The following DICER1 variants were observed in gnomAD, a reference collection of about 807,000 sequenced individuals.
The protein encoded by DICER1 is endoribonuclease Dicer.
In DICER1, 43 loss-of-function variants were observed where a neutral mutation model predicts 194.1. That is an observed-to-expected ratio of 0.22 (90% confidence interval 0.17 to 0.29). DICER1 has a LOEUF of 0.29. Ranked by LOEUF, DICER1 falls within the 10% of genes least tolerant of loss-of-function variation. The pLI is 1.00. For missense variants in DICER1, 1,608 were observed against 2,317.0 expected, an observed-to-expected ratio of 0.69 and a Z score of 6.28; for synonymous variants, 832 against 820.5, an observed-to-expected ratio of 1.01 and a Z score of -0.24.
chr14:95,086,311 G>A lies in DICER1; in HGVS notation c.*4187C>T, dbSNP rs888684231. 4 of 232,732 alleles carry A rather than the reference G, an allele frequency of 1.7e-5. No homozygotes were observed. Among genetic ancestry groups the A allele is most frequent in the Non-Finnish European group, 2.5e-5 (3 of 117,866 alleles). 14.4% of individuals were successfully genotyped at this position (232,732 alleles called of 1,614,324 possible). On this transcript the variant is annotated 3_prime_UTR_variant, in exon 27 of 27. Transcript: ENST00000343455. ...ACTAAAGGTAATTGTGATCCATAAG[G>A]TGCAGACTGCAAATTTCTGCAGCAT... is the stretch of plus-strand genomic sequence containing the variant.
At chr14:95,109,146 G>A (rs996265971) in intron 14 of DICER1, among the ~76,000 whole-genome samples, 1 of 152,136 alleles carries the variant, frequency 6.6e-6, no homozygotes, top group Non-Finnish European at 1.5e-5. Flanking sequence ...GAGTCAATAT[G>A]AGCCAATATC....
At chr14:95,097,744 C>T (rs990824175) in intron 22 of DICER1, among the ~76,000 whole-genome samples, 2 of 152,132 alleles carry the variant, frequency 1.3e-5, no homozygotes, top group African/African-American at 4.8e-5. Flanking sequence ...TTAAATACTA[C>T]AAATATTTTA....
chr14:95,131,960 T>C (rs1310531830), intron 3 of DICER1, among the ~76,000 whole-genome samples: 1 of 152,178 alleles, frequency 6.6e-6, no homozygotes, highest in Non-Finnish European at 1.5e-5. Context: ...TAACATGTAT[T>C]TAAAGCAGAT....
At chr14:95,102,034 T>A (rs1890923958) in intron 21 of DICER1, among the ~76,000 whole-genome samples, 3 of 152,260 alleles carry the variant, frequency 2.0e-5, no homozygotes, top group Middle Eastern at 6.8e-3. Flanking sequence ...ATGGGGAAAA[T>A]AAAAGTTTCT....
Position 95,112,194 on chromosome 14 carries a change from G to A in DICER1, c.2094C>T (p.Cys698=), listed in dbSNP as rs1402130617. 1 of 1,613,878 alleles carries A rather than the reference G, an allele frequency of 6.2e-7. No homozygotes were observed. The highest frequency in any genetic ancestry group is 8.5e-7 in the Non-Finnish European group (1 of 1,179,908). ...TACCAATTTTGTGCAGTTTCTCACA[G>A]CAAATGAGAGCTACAACTCTTTCAG... The part of the protein sequence containing the change: ...RLAERVVALI[C]CEKLHKIGEL... Residue 698 remains cysteine (C), a synonymous_variant, in exon 13 of 27, where the codon TGC becomes TGT. Transcript: ENST00000343455.
chr14:95,100,787 C>T (rs568538252), intron 21 of DICER1, among the ~76,000 whole-genome samples: 1 of 152,098 alleles, frequency 6.6e-6, no homozygotes, highest in Non-Finnish European at 1.5e-5. Context: ...TTAATAGACA[C>T]CCCCCATATG....
At chr14:95,120,808 C>G (rs139757418) in intron 8 of DICER1, among the ~76,000 whole-genome samples, 71 of 152,284 alleles carry the variant, frequency 4.7e-4, no homozygotes, top group African/African-American at 1.6e-3. Flanking sequence ...ATAAACCAGA[C>G]AAGTTTTCCT....
rs1385736688 is a variant in DICER1 at position 95,111,173 on chromosome 14, T to C, written c.2256+144A>G. On this transcript the variant is annotated intron_variant, in intron 14 of 26. Coordinates refer to ENST00000343455, the MANE Select transcript of DICER1 (RefSeq NM_177438.3). The stretch of plus-strand genomic sequence containing the variant: ...AAAGAGGCTGATCTGAGAGAAGCTG[T>C]GAATCGGAGAAAGGAGCTGAGATCC... 5.8e-6 allele frequency: 5 copies of C among 856,730 alleles called. No individual in the cohort carries two copies. The South Asian group carries it at 6.9e-5, about 12-fold the overall frequency. 53.1% of individuals were successfully genotyped at this position (856,730 alleles called of 1,614,324 possible). A position where few individuals can be genotyped will look rare whatever the true frequency, so the allele number is the denominator to read the frequency against.
intron 6 of DICER1, 137 bp from the exon 7 acceptor site, chr14:95,126,885 G>A: frequency 6.3e-6 from 4 of 630,312 alleles, no homozygotes; most frequent in Non-Finnish European, 1.1e-5. Flanking sequence ...TTAGCAGTGG[G>A]GTGAGATTTT....
Position 95,096,204 on chromosome 14 carries a change from G to C in DICER1, c.4716C>G (p.Thr1572=). The stretch of plus-strand genomic sequence containing the variant: ...GCTGAGCAGCCCTCTCCCCACAGCT[G>C]GTTAAATAGCAGCCCAGCAGGGCTT... The part of the protein sequence containing the change: ...CVEALLGCYL[T]SCGERAAQLF... The change falls in exon 23 of 27, where the codon ACC becomes ACG. Residue 1572 remains threonine (T), a synonymous_variant. Coordinates refer to ENST00000343455, the MANE Select transcript of DICER1 (RefSeq NM_177438.3). 6.2e-7 allele frequency: 1 copy of C among 1,614,214 alleles called. No homozygotes were observed. Among genetic ancestry groups the C allele is most frequent in the Non-Finnish European group, 8.5e-7 (1 of 1,180,034 alleles).
At chr14:95,111,569 C>T (rs1891965655) in intron 13 of DICER1, 113 bp from the exon 14 acceptor site, 1 of 1,162,896 alleles carries the variant, frequency 8.6e-7, no homozygotes, top group Non-Finnish European at 1.3e-6. Context: ...GAAACTAAAG[C>T]ACCTTTGCCT....
chr14:95,132,643 G>A lies in DICER1; in HGVS notation c.179C>T (p.Thr60Ile), dbSNP rs587778228. The change falls in exon 3 of 27, where the codon ACC becomes ATC. Residue 60 changes from threonine (T) to isoleucine (I), a missense_variant. This residue lies in a region of DICER1 where 657 missense variants were observed against 910.1 expected (regional missense o/e 0.72). Coordinates refer to ENST00000343455, the MANE Select transcript of DICER1 (RefSeq NM_177438.3). ...ELLEAALDHN[T>I]IVCLNTGSGK... is the part of the protein sequence containing the mutation. ...TGAGCCAGTGTTTAAACAGACGATGGTATTATGATCCAGAGCTGCTTCAAG... is the reference window on the plus strand; with the variant it reads ...TGAGCCAGTGTTTAAACAGACGATGATATTATGATCCAGAGCTGCTTCAAG... 1.6e-4 allele frequency: 258 copies of A among 1,613,772 alleles called. No homozygotes were observed. The highest frequency in any genetic ancestry group is 2.1e-4 in the Non-Finnish European group (253 of 1,179,916).
intron 24 of DICER1, among the ~76,000 whole-genome samples, 165 bp downstream of exon 24, chr14:95,093,723 A>T (rs1319322790): frequency 6.6e-6 from 1 of 152,184 alleles, no homozygotes; most frequent in African/African-American, 2.4e-5. Flanking sequence ...CAAGAGGCCT[A>T]CCTGCAAACT....
intron 24 of DICER1, among the ~76,000 whole-genome samples, chr14:95,092,015 C>T (rs559561482): frequency 6.6e-6 from 1 of 152,144 alleles, no homozygotes; most frequent in Non-Finnish European, 1.5e-5. Context: ...TCTCTAAGAA[C>T]TTATTTTAAG....
chr14:95,113,262 C>A (rs375513306), intron 11 of DICER1, 38 bp from the exon 12 acceptor site: 13 of 1,597,404 alleles, frequency 8.1e-6, no homozygotes, highest in Admixed American at 5.0e-5. Context: ...GAATCTACAA[C>A]TGAGAAAATA....
At chr14:95,115,978 C>G (rs919216305) in intron 10 of DICER1, among the ~76,000 whole-genome samples, 157 bp from the exon 11 acceptor site, 1 of 151,992 alleles carries the variant, frequency 6.6e-6, no homozygotes, top group African/African-American at 2.4e-5. Flanking sequence ...ACACCTTCTT[C>G]CAATGAATCC....
intron 1 of DICER1, among the ~76,000 whole-genome samples, chr14:95,140,124 A>G (rs1469728424): frequency 6.6e-6 from 1 of 152,214 alleles, no homozygotes; most frequent in East Asian, 1.9e-4. Context: ...TTGCAGAGCC[A>G]AAATAACTCC....
At position 95,088,930 on chromosome 14, in the gene DICER1, A is replaced by C. The variant is rs1262214897; in HGVS notation, c.*1568T>G. 1.3e-5 allele frequency: 3 copies of C among 233,574 alleles called. No individual in the cohort carries two copies. The highest frequency in any genetic ancestry group is 2.5e-5 in the Non-Finnish European group (3 of 118,052). 14.5% of individuals were successfully genotyped at this position (233,574 alleles called of 1,614,324 possible). A position where few individuals can be genotyped will look rare whatever the true frequency, so the allele number is the denominator to read the frequency against. On this transcript the variant is annotated 3_prime_UTR_variant, in exon 27 of 27. Coordinates refer to ENST00000343455, the MANE Select transcript of DICER1 (RefSeq NM_177438.3). ...GAGACACCTCTGCTCAGCTTTCTTA[A>C]ACTTCAAGCATAATTAACGGGGCAA...
intron 8 of DICER1, among the ~76,000 whole-genome samples, chr14:95,119,034 C>T (rs146998692): frequency 1.1e-3 from 165 of 152,144 alleles, no homozygotes; most frequent in African/African-American, 3.9e-3. Flanking sequence ...TAAGATGTAA[C>T]AGAAAGCAGT....
Sources: gnomAD v4.1 joint callset for allele counts (sites outside exome capture counted in the v4.1 genomes callset) on GRCh38, gnomAD v4.1.1 for gene constraint, gnomAD v4.1.1 regional missense constraint, MANE v1.5 for transcripts, NCBI Gene and HGNC (gene_info 2026-07-23, HGNC 2026-07-21) for gene names.